Variants in LUC7L2 observed in about 807,000 individuals in gnomAD.
The protein encoded by LUC7L2 is putative RNA-binding protein Luc7-like 2.
A neutral mutation model predicts 52.8 loss-of-function variants in LUC7L2; 25 were observed. The ratio of observed to expected loss-of-function variants is 0.47; its 90% CI spans 0.34 to 0.66. LUC7L2 has a LOEUF of 0.66. Ranked by LOEUF, LUC7L2 falls within the 30% of genes least tolerant of loss-of-function variation. LUC7L2 has a pLI of 0.01. For synonymous variants in LUC7L2, 144 were observed against 160.9 expected (o/e 0.89, Z 0.80); for missense variants, 328 against 497.8 (o/e 0.66, Z 3.25).
rs561884581 is a variant in LUC7L2 at position 139,410,764 on chromosome 7, A to T, written c.779+1110A>T. 4.4e-3 allele frequency among the ~76,000 whole-genome samples: 670 copies of T among 152,332 alleles called. 7 individuals are homozygous for T. The highest frequency in any genetic ancestry group is 0.016 in the African/African-American group (652 of 41,586). ...TTAAAACCCTTTGTAGTATTAGGTT[A>T]TGCTCACTTCCTTCGATCTTTGAGC... On this transcript the variant is annotated intron_variant, in intron 7 of 9. Transcript: ENST00000354926.
chr7:139,404,055 A>G (rs1795022444), intron 4 of LUC7L2, among the ~76,000 whole-genome samples: 1 of 152,268 alleles, frequency 6.6e-6, no homozygotes, highest in African/African-American at 2.4e-5. Flanking sequence ...ATTCAATGAT[A>G]CATTTAAAGG....
chr7:139,378,934 G>A (rs1457579573), intron 2 of LUC7L2, among the ~76,000 whole-genome samples: 3 of 152,202 alleles, frequency 2.0e-5, no homozygotes, highest in African/African-American at 7.2e-5. Flanking sequence ...ACTACAGGCA[G>A]GAGCCACTGT....
At chr7:139,401,870 T>C (rs1794932096) in intron 3 of LUC7L2, among the ~76,000 whole-genome samples, 1 of 151,484 alleles carries the variant, frequency 6.6e-6, no homozygotes, top group Non-Finnish European at 1.5e-5. Flanking sequence ...TCCTTCCGCC[T>C]CAGCCTCCCG....
chr7:139,373,733 CAA>C (rs1322895736), intron 1 of LUC7L2, among the ~76,000 whole-genome samples: 2 of 152,148 alleles, frequency 1.3e-5, no homozygotes, highest in Admixed American at 6.5e-5. Context: ...TTGTTAAGCA[CAA>C]ATCAGTTACT....
At chr7:139,399,434 A>G (rs1489500652) in intron 3 of LUC7L2, among the ~76,000 whole-genome samples, 1 of 115,154 alleles carries the variant, frequency 8.7e-6, no homozygotes. Flanking sequence ...GGACATGCAT[A>G]TGGGTGTTTG....
intron 1 of LUC7L2, among the ~76,000 whole-genome samples, chr7:139,370,396 A>T (rs1466216814): frequency 6.6e-6 from 1 of 152,224 alleles, no homozygotes; most frequent in Non-Finnish European, 1.5e-5. Context: ...TCCTTAGTAT[A>T]AGAGTTACTG....
intron 1 of LUC7L2, among the ~76,000 whole-genome samples, chr7:139,347,813 G>T (rs1284427178): frequency 6.6e-6 from 1 of 152,076 alleles, no homozygotes; most frequent in African/African-American, 2.4e-5. Context: ...TGATTCTTCT[G>T]CTTTAGCCTC....
At chr7:139,356,571 C>T (rs993860317), upstream of LUC7L2, among the ~76,000 whole-genome samples, 18 of 149,304 alleles carry the variant, frequency 1.2e-4, no homozygotes, top group African/African-American at 3.5e-4. Context: ...CACTTAAGGT[C>T]AGGAGTTTGA....
rs760512226 is a variant in LUC7L2 at position 139,405,632 on chromosome 7, A to G, written c.367-12A>G. On this transcript the variant is annotated splice_polypyrimidine_tract_variant and intron_variant, in intron 4 of 9. Transcript: ENST00000354926. ...TTGTTTATTCATGATCTTCTTTTTT[A>G]TTTCTTTTTAGGCAGAACGTGTTCA... 7.6e-6 allele frequency: 12 copies of G among 1,573,688 alleles called. No homozygotes were observed. The highest frequency in any genetic ancestry group is 1.0e-5 in the Non-Finnish European group (12 of 1,167,744).
At chr7:139,398,826 A>C (rs746984355) in intron 3 of LUC7L2, 129 bp downstream of exon 3, 31 of 720,104 alleles carry the variant, frequency 4.3e-5, no homozygotes, top group Non-Finnish European at 6.3e-5. Flanking sequence ...GTAAGACTCA[A>C]GTAAGATCAT....
chr7:139,403,577 A>G (rs1585121104), intron 4 of LUC7L2, among the ~76,000 whole-genome samples: 1 of 152,176 alleles, frequency 6.6e-6, no homozygotes, highest in South Asian at 2.1e-4. Flanking sequence ...CAAAGGATCT[A>G]GTATCTCATG....
chr7:139,362,788 C>A (rs1003956848), intron 1 of LUC7L2, among the ~76,000 whole-genome samples: 4 of 151,702 alleles, frequency 2.6e-5, no homozygotes, highest in Non-Finnish European at 4.4e-5. Context: ...ACCTCCTCAC[C>A]CCCTCAAGGT....
At chr7:139,401,591 T>TA (rs1178783278) in intron 3 of LUC7L2, among the ~76,000 whole-genome samples, 1 of 151,956 alleles carries the variant, frequency 6.6e-6, no homozygotes, top group Admixed American at 6.6e-5. Context: ...TAGCTGGGAT[T>TA]ACAGGCGCGC....
At chr7:139,406,941 A>ATAGAGG (rs1795141346) in intron 5 of LUC7L2, among the ~76,000 whole-genome samples, 1 of 147,280 alleles carries the variant, frequency 6.8e-6, no homozygotes, top group South Asian at 2.1e-4. Context: ...GGCGCTAAGG[A>ATAGAGG]TAGAGGATGG....
chr7:139,391,119 T>C (rs1442052138), intron 2 of LUC7L2, among the ~76,000 whole-genome samples: 1 of 152,222 alleles, frequency 6.6e-6, no homozygotes. Context: ...TTGTGTAGTG[T>C]GGCTGTTCTC....
At chr7:139,342,972 T>G (rs1015236690) in intron 1 of LUC7L2, among the ~76,000 whole-genome samples, 11 of 152,234 alleles carry the variant, frequency 7.2e-5, no homozygotes, top group Non-Finnish European at 1.6e-4. Context: ...TCTCTATCCT[T>G]TCCCTCCGGA....
rs373839579 is a variant in LUC7L2 at position 139,422,179 on chromosome 7, T to G, written c.1018T>G (p.Phe340Val). 908 of 1,597,812 alleles carry G rather than the reference T, an allele frequency of 5.7e-4. 13 individuals are homozygous for G. In the South Asian group the frequency reaches 9.7e-3, roughly 17 times the overall value. ...RSKRRSSKER[F>V]RDQDLASCDR... is the part of the protein sequence containing the mutation. ...ATTTTTCAGATCCTCAAAAGAAAGA[T>G]TCAGAGACCAAGACTTAGCATCATG... The change falls in exon 10 of 10, where the codon TTC (phenylalanine) becomes GTC (valine). Residue 340 changes from phenylalanine to valine, a missense_variant. Around this residue, in one of 2 missense-constraint regions of LUC7L2, gnomAD observed 195 missense variants for 223.3 expected, o/e 0.87. Coordinates refer to ENST00000354926, the MANE Select transcript of LUC7L2 (RefSeq NM_016019.5).
chr7:139,404,994 T>TAATAC (rs1377117174), intron 4 of LUC7L2, among the ~76,000 whole-genome samples: 1 of 152,198 alleles, frequency 6.6e-6, no homozygotes, highest in Non-Finnish European at 1.5e-5. Context: ...TGCTGAGCAC[T>TAATAC]AGAGATACAA....
At chr7:139,392,842 C>T (rs1417763515) in intron 2 of LUC7L2, among the ~76,000 whole-genome samples, 3 of 151,884 alleles carry the variant, frequency 2.0e-5, no homozygotes, top group African/African-American at 7.3e-5. Flanking sequence ...TTAGTAGAGA[C>T]GAGGTTTCTC....
Sources: allele counts gnomAD v4.1 joint callset (sites outside exome capture counted in the v4.1 genomes callset), GRCh38; gene constraint gnomAD v4.1.1; regional missense constraint gnomAD v4.1.1; transcripts MANE v1.5; gene names NCBI Gene and HGNC (gene_info 2026-07-23, HGNC 2026-07-21).